Variants in FAM227B observed in about 807,000 individuals in gnomAD.
FAM227B encodes family with sequence similarity 227 member B.
In FAM227B, 88 loss-of-function variants were observed where a neutral mutation model predicts 73.8. The observed-to-expected ratio is 1.19, with a 90% confidence interval of 1.00 to 1.42. The LOEUF (loss-of-function observed/expected upper bound fraction) is 1.42, where lower values mean the gene tolerates loss of function less well. Ranked by LOEUF, FAM227B falls within the 40% of genes most tolerant of loss-of-function variation. The pLI is 0.00. For missense variants in FAM227B, 632 were observed against 590.9 expected, an observed-to-expected ratio of 1.07 and a Z score of -0.72; for synonymous variants, 210 against 190.5, an observed-to-expected ratio of 1.10 and a Z score of -0.84.
chr15:49,466,651 A>G (rs969887313), intron 11 of FAM227B, among the ~76,000 whole-genome samples: 3 of 152,178 alleles, frequency 2.0e-5, no homozygotes, highest in African/African-American at 7.2e-5. Flanking sequence ...AGAAACTATA[A>G]TAATAGTTGA....
chr15:49,538,519 G>A (rs1025775339), intron 10 of FAM227B, among the ~76,000 whole-genome samples: 2 of 152,100 alleles, frequency 1.3e-5, no homozygotes, highest in African/African-American at 4.8e-5. Flanking sequence ...TGGGTACCAG[G>A]GGGTGCAAAT....
At chr15:49,360,897 C>T (rs2044105344) in intron 13 of FAM227B, among the ~76,000 whole-genome samples, 1 of 152,076 alleles carries the variant, frequency 6.6e-6, no homozygotes, top group African/African-American at 2.4e-5. Context: ...CCCTCCAGTC[C>T]TCTCCATACA....
chr15:49,481,315 T>G (rs1183507988), intron 11 of FAM227B, among the ~76,000 whole-genome samples: 3 of 152,364 alleles, frequency 2.0e-5, no homozygotes, highest in South Asian at 4.1e-4. Context: ...TGCAAATATG[T>G]TGAATCAATG....
chr15:49,409,543 G>A (rs1161998466), intron 11 of FAM227B, among the ~76,000 whole-genome samples: 4 of 148,992 alleles, frequency 2.7e-5, no homozygotes, highest in African/African-American at 9.8e-5. Flanking sequence ...ATATAAATAG[G>A]AATATATATA....
intron 8 of FAM227B, among the ~76,000 whole-genome samples, chr15:49,570,162 A>C (rs1245399997): frequency 6.6e-6 from 1 of 152,032 alleles, no homozygotes; most frequent in Non-Finnish European, 1.5e-5. Flanking sequence ...AAGTGGGATT[A>C]CTGGAGCATG....
intron 13 of FAM227B, among the ~76,000 whole-genome samples, chr15:49,346,958 C>T (rs1596353747): frequency 6.6e-6 from 1 of 152,172 alleles, no homozygotes; most frequent in East Asian, 1.9e-4. Flanking sequence ...GTTTACCCAA[C>T]ATCCATGTAT....
At chr15:49,338,765 A>G (rs1248248872) in intron 13 of FAM227B, among the ~76,000 whole-genome samples, 1 of 152,174 alleles carries the variant, frequency 6.6e-6, no homozygotes, top group Non-Finnish European at 1.5e-5. Flanking sequence ...AGGTACACCA[A>G]TCAATTGTAG....
intron 9 of FAM227B, among the ~76,000 whole-genome samples, chr15:49,550,874 C>T (rs1431282962): frequency 3.9e-5 from 6 of 151,976 alleles, no homozygotes; most frequent in Admixed American, 6.5e-5. Context: ...ACTTCCCAGA[C>T]GGGGTGGCGG....
intron 10 of FAM227B, among the ~76,000 whole-genome samples, chr15:49,537,975 T>C (rs953129720): frequency 6.6e-6 from 1 of 152,046 alleles, no homozygotes; most frequent in East Asian, 1.9e-4. Flanking sequence ...AGCAGACATG[T>C]AGGATGAACT....
At chr15:49,523,083 T>C (rs55689088) in intron 10 of FAM227B, among the ~76,000 whole-genome samples, 48,547 of 152,010 alleles carry the variant, frequency 0.32, 8,386 homozygotes, top group African/African-American at 0.43. Flanking sequence ...TGTAGAGAAG[T>C]AGCAAATCAG....
intron 11 of FAM227B, among the ~76,000 whole-genome samples, chr15:49,461,794 G>A (rs1031239810): frequency 4.6e-5 from 7 of 152,148 alleles, no homozygotes; most frequent in African/African-American, 1.4e-4. Flanking sequence ...TTATGGTACT[G>A]ATTTAATTTC....
intron 9 of FAM227B, among the ~76,000 whole-genome samples, chr15:49,553,034 G>A (rs2073218550): frequency 6.6e-6 from 1 of 152,064 alleles, no homozygotes; most frequent in Admixed American, 6.5e-5. Context: ...ATGTTCTTTG[G>A]TGTCTGGGCA....
chr15:49,344,924 A>C (rs570268872), intron 13 of FAM227B, among the ~76,000 whole-genome samples: 5 of 152,328 alleles, frequency 3.3e-5, no homozygotes, highest in South Asian at 4.1e-4. Context: ...ATTGAATATT[A>C]TTCTTCTTGT....
At chr15:49,561,332 A>G (rs757240032) in intron 9 of FAM227B, among the ~76,000 whole-genome samples, 1 of 152,206 alleles carries the variant, frequency 6.6e-6, no homozygotes, top group Non-Finnish European at 1.5e-5. Context: ...TTTCTTAAAT[A>G]TATACACATC....
At chr15:49,421,248 G>C (rs2049602832) in intron 11 of FAM227B, among the ~76,000 whole-genome samples, 1 of 152,132 alleles carries the variant, frequency 6.6e-6, no homozygotes, top group South Asian at 2.1e-4. Context: ...AGCATAATAA[G>C]GGCACAGTGA....
At position 49,328,095 on chromosome 15, in the gene FAM227B, C is replaced by A; in HGVS notation, c.*473G>T. The A allele has an allele frequency of 6.2e-7, 1 of 1,613,940 alleles. No homozygotes were observed. Among genetic ancestry groups the A allele is most frequent in the Non-Finnish European group, 8.5e-7 (1 of 1,179,952 alleles). ...CAGAGGAGTGATGGAAGCTTAGCAC[C>A]GGAGAAGCAAAGTTTGTTTGCTACC... On this transcript the variant is annotated 3_prime_UTR_variant, in exon 16 of 16. Transcript: ENST00000299338.
chr15:49,571,914 A>G (rs2075132633), intron 8 of FAM227B, among the ~76,000 whole-genome samples: 1 of 151,982 alleles, frequency 6.6e-6, no homozygotes, highest in Non-Finnish European at 1.5e-5. Context: ...TAGGGATTGC[A>G]TTGATTCTGT....
At chr15:49,355,922 T>TG (rs2043081294) in intron 13 of FAM227B, among the ~76,000 whole-genome samples, 1 of 150,490 alleles carries the variant, frequency 6.6e-6, no homozygotes, top group African/African-American at 2.4e-5. Flanking sequence ...CAGAAGAGAG[T>TG]GGGGGCCAAT....
chr15:49,568,185 A>G, intron 9 of FAM227B, 60 bp downstream of exon 9: 1 of 1,403,918 alleles, frequency 7.1e-7, no homozygotes, highest in South Asian at 1.3e-5. Flanking sequence ...TAAAATAACG[A>G]TTTTTTCTAT....
Sources: gnomAD v4.1 joint callset for allele counts (sites outside exome capture counted in the v4.1 genomes callset) on GRCh38, gnomAD v4.1.1 for gene constraint, MANE v1.5 for transcripts, NCBI Gene and HGNC (gene_info 2026-07-23, HGNC 2026-07-21) for gene names.